SFMBT2: variants seen among roughly 807,000 people sequenced by gnomAD.
The protein encoded by SFMBT2 is Scm like with four mbt domains 2.
In SFMBT2, 38 loss-of-function variants were observed where a neutral mutation model predicts 110.1. The ratio of observed to expected loss-of-function variants is 0.35; its 90% confidence interval spans 0.27 to 0.45. The LOEUF is 0.45. Among genes scored for constraint, SFMBT2 ranks in the 20% least tolerant of loss-of-function variants. The pLI is 1.00. For missense variants in SFMBT2, 1,011 were observed against 1,094.9 expected (o/e 0.92, Z 1.08); for synonymous variants, 425 against 425.4 (o/e 1.00, Z 0.01).
At chr10:7,280,537 A>C (rs1428061414) in intron 6 of SFMBT2, among the ~76,000 whole-genome samples, 2 of 152,234 alleles carry the variant, frequency 1.3e-5, no homozygotes, top group Non-Finnish European at 2.9e-5. Context: ...AAACATCCAG[A>C]AATAGGAGAG....
intron 4 of SFMBT2, among the ~76,000 whole-genome samples, chr10:7,323,139 G>T (rs1218942179): frequency 6.6e-6 from 1 of 152,102 alleles, no homozygotes; most frequent in Non-Finnish European, 1.5e-5. Context: ...ATGATTTATG[G>T]TGAAATATAC....
chr10:7,410,750 T>C lies in SFMBT2; in HGVS notation c.-52+111A>G, dbSNP rs570213562. Among the ~76,000 whole-genome samples, 22 of 150,890 alleles carry C rather than the reference T, an allele frequency of 1.5e-4. No homozygotes were observed. In the South Asian group the frequency reaches 4.4e-3, roughly 30 times the overall value. On this transcript the variant is annotated intron_variant, in intron 1 of 20. Coordinates refer to ENST00000397167, the MANE Select transcript of SFMBT2 (RefSeq NM_001387889.1). ...TTCCTTCCTTTTTTTTTTTTTCCTT[T>C]TTTTTCCTAGGCTGGAAAAAGCCCC... is the stretch of plus-strand genomic sequence containing the variant.
intron 2 of SFMBT2, among the ~76,000 whole-genome samples, chr10:7,371,524 T>C (rs1845065447): frequency 6.6e-6 from 1 of 152,224 alleles, no homozygotes; most frequent in Non-Finnish European, 1.5e-5. Context: ...ACGATAAAAC[T>C]TGTATAGCCA....
intron 4 of SFMBT2, among the ~76,000 whole-genome samples, chr10:7,331,286 G>T (rs1177205586): frequency 6.6e-6 from 1 of 152,182 alleles, no homozygotes; most frequent in Non-Finnish European, 1.5e-5. Context: ...GTCTAACCAG[G>T]AGTCTGTTGA....
At chr10:7,325,402 G>A (rs1183973806) in intron 4 of SFMBT2, among the ~76,000 whole-genome samples, 1 of 152,192 alleles carries the variant, frequency 6.6e-6, no homozygotes, top group Admixed American at 6.5e-5. Flanking sequence ...ACTCAGAGAA[G>A]TTTAAAATCC....
intron 4 of SFMBT2, among the ~76,000 whole-genome samples, chr10:7,297,306 T>C (rs893405971): frequency 2.6e-5 from 4 of 152,154 alleles, no homozygotes; most frequent in Admixed American, 6.5e-5. Flanking sequence ...ACTACCTGGG[T>C]TGGAGTCCCA....
intron 11 of SFMBT2, among the ~76,000 whole-genome samples, chr10:7,209,984 G>C (rs1028795877): frequency 2.0e-5 from 3 of 152,176 alleles, no homozygotes; most frequent in African/African-American, 7.2e-5. Context: ...TACCATGAAG[G>C]AAAATAAAAC....
intron 4 of SFMBT2, among the ~76,000 whole-genome samples, chr10:7,366,431 CAAA>C (rs890894030): frequency 7.9e-5 from 5 of 63,268 alleles, no homozygotes; most frequent in Admixed American, 3.4e-4. Context: ...TATATCATAA[CAAA>C]AAAAAAAAAA....
intron 15 of SFMBT2, among the ~76,000 whole-genome samples, chr10:7,195,950 T>C (rs1838753656): frequency 1.3e-5 from 2 of 152,204 alleles, no homozygotes; most frequent in Non-Finnish European, 2.9e-5. Flanking sequence ...TCTTCTAAAC[T>C]GTAACCTCTA....
chr10:7,239,265 T>C (rs982308765), intron 9 of SFMBT2, among the ~76,000 whole-genome samples: 2 of 152,200 alleles, frequency 1.3e-5, no homozygotes, highest in Non-Finnish European at 2.9e-5. Flanking sequence ...AATACATTCA[T>C]GGGAAACATA....
intron 1 of SFMBT2, among the ~76,000 whole-genome samples, chr10:7,402,084 A>T (rs964015403): frequency 6.6e-6 from 1 of 151,874 alleles, no homozygotes; most frequent in African/African-American, 2.4e-5. Flanking sequence ...GTACACAGGC[A>T]AGATGGTGAC....
intron 4 of SFMBT2, among the ~76,000 whole-genome samples, chr10:7,312,965 T>C (rs747070620): frequency 5.3e-5 from 8 of 151,968 alleles, no homozygotes; most frequent in Non-Finnish European, 7.4e-5. Flanking sequence ...AATGAGAGGA[T>C]TGGGGTGCTC....
At chr10:7,198,912 G>A (rs1345352480) in intron 14 of SFMBT2, among the ~76,000 whole-genome samples, 3 of 152,046 alleles carry the variant, frequency 2.0e-5, no homozygotes, top group East Asian at 1.9e-4. Flanking sequence ...ATGGTAGCAT[G>A]CGCCTGTAAT....
chr10:7,380,852 C>T (rs1238909644), intron 2 of SFMBT2, among the ~76,000 whole-genome samples: 2 of 152,046 alleles, frequency 1.3e-5, no homozygotes, highest in African/African-American at 4.8e-5. Context: ...TAGTTTAAGA[C>T]AAGCCTGGAC....
chr10:7,186,459 C>CACACACATATATATATATATAT (rs748644225), intron 16 of SFMBT2, among the ~76,000 whole-genome samples: 1 of 126,896 alleles, frequency 7.9e-6, no homozygotes, highest in Non-Finnish European at 1.7e-5. Flanking sequence ...CACACACACA[C>CACACACATATATATATATATAT]ATATATATAT....
upstream of SFMBT2, chr10:7,411,430 G>C (rs1032461316): frequency 6.6e-6 from 1 of 152,286 alleles, no homozygotes; most frequent in Non-Finnish European, 1.5e-5. Flanking sequence ...CCCTGGCTGC[G>C]GTTCGTGAGC....
intron 6 of SFMBT2, among the ~76,000 whole-genome samples, chr10:7,281,804 G>A (rs1011551500): frequency 1.3e-5 from 2 of 151,962 alleles, no homozygotes; most frequent in Non-Finnish European, 2.9e-5. Context: ...TTTAAATATC[G>A]GGGAAGTAAG....
intron 16 of SFMBT2, among the ~76,000 whole-genome samples, chr10:7,184,845 A>T (rs1266193713): frequency 1.3e-5 from 2 of 152,090 alleles, no homozygotes; most frequent in African/African-American, 4.8e-5. Context: ...GGAAATGGTG[A>T]CTCTGAGAAC....
At chr10:7,319,642 AAGAGAGAGACAGAGAGAG>A (rs1032749770) in intron 4 of SFMBT2, among the ~76,000 whole-genome samples, 7 of 142,222 alleles carry the variant, frequency 4.9e-5, no homozygotes, top group East Asian at 1.9e-4. Flanking sequence ...GGTGCTACCA[AAGAGAGAGACAGAGAGAG>A]AGAGAGAGAC....
Sources: allele counts gnomAD v4.1 joint callset (sites outside exome capture counted in the v4.1 genomes callset), GRCh38; gene constraint gnomAD v4.1.1; transcripts MANE v1.5; gene names NCBI Gene and HGNC (gene_info 2026-07-23, HGNC 2026-07-21).